Variants in NKAIN3 observed in about 807,000 individuals in gnomAD.
The protein encoded by NKAIN3 is sodium/potassium transporting ATPase interacting 3.
NKAIN3 carries 25 observed loss-of-function variants against 30.2 expected under a neutral mutation model. The observed-to-expected ratio is 0.83, with a 90% CI of 0.60 to 1.16. The LOEUF (loss-of-function observed/expected upper bound fraction) is 1.16. NKAIN3 is among the 50% of genes most tolerant of loss of function. The pLI, the probability that NKAIN3 is intolerant of heterozygous loss-of-function variation, is 0.00. For synonymous variants in NKAIN3, 91 were observed against 89.6 expected (o/e 1.02, Z -0.09); for missense variants, 225 against 254.1 (o/e 0.89, Z 0.78).
chr8:62,541,337 A>C (rs979580554), intron 1 of NKAIN3, among the ~76,000 whole-genome samples: 1 of 152,140 alleles, frequency 6.6e-6, no homozygotes, highest in Non-Finnish European at 1.5e-5. Context: ...ACAAATAAAA[A>C]ATAAATAAAT....
intron 6 of NKAIN3, among the ~76,000 whole-genome samples, chr8:62,963,173 G>A (rs1170004210): frequency 6.6e-6 from 1 of 152,170 alleles, no homozygotes; most frequent in African/African-American, 2.4e-5. Context: ...GGTTACAGGC[G>A]TGAGCCACTG....
At chr8:62,850,895 C>A (rs1819873126) in intron 4 of NKAIN3, among the ~76,000 whole-genome samples, 1 of 152,038 alleles carries the variant, frequency 6.6e-6, no homozygotes, top group Admixed American at 6.6e-5. Flanking sequence ...AGCGTGATGC[C>A]TCCAGCTTTG....
intron 1 of NKAIN3, among the ~76,000 whole-genome samples, chr8:62,439,532 T>A (rs1182081756): frequency 6.6e-6 from 1 of 152,216 alleles, no homozygotes; most frequent in Non-Finnish European, 1.5e-5. Context: ...CACTTAAGCA[T>A]TCATCCTGAG....
chr8:62,885,323 A>AACTTATGGTTTGTTGATTT (rs1821111445), intron 4 of NKAIN3, among the ~76,000 whole-genome samples: 1 of 152,114 alleles, frequency 6.6e-6, no homozygotes, highest in Non-Finnish European at 1.5e-5. Flanking sequence ...TTCTAGTTTA[A>AACTTATGGTTTGTTGATTT]TCCCACTGTG....
chr8:62,496,768 A>G (rs1449626695), intron 1 of NKAIN3, among the ~76,000 whole-genome samples: 1 of 152,174 alleles, frequency 6.6e-6, no homozygotes, highest in Non-Finnish European at 1.5e-5. Context: ...GTATAACATG[A>G]TTAGCGTAGA....
At chr8:62,581,697 A>C (rs555343521) in intron 2 of NKAIN3, among the ~76,000 whole-genome samples, 7 of 151,914 alleles carry the variant, frequency 4.6e-5, no homozygotes, top group East Asian at 3.9e-4. Flanking sequence ...ATATCTAACC[A>C]TTCTTCCTTT....
chr8:62,289,456 C>T (rs1563920519), intron 1 of NKAIN3, among the ~76,000 whole-genome samples: 1 of 152,164 alleles, frequency 6.6e-6, no homozygotes, highest in South Asian at 2.1e-4. Flanking sequence ...CAGCTTTCTA[C>T]ATATGGCTAG....
intron 5 of NKAIN3, among the ~76,000 whole-genome samples, chr8:62,922,637 T>C (rs1822316706): frequency 6.6e-6 from 1 of 152,070 alleles, no homozygotes; most frequent in Admixed American, 6.5e-5. Context: ...CATGGAAAAA[T>C]GTGCAAAATT....
intron 3 of NKAIN3, among the ~76,000 whole-genome samples, chr8:62,680,045 G>T (rs532802671): frequency 6.6e-6 from 1 of 152,218 alleles, no homozygotes; most frequent in South Asian, 2.1e-4. Flanking sequence ...TTGAAGGGGA[G>T]GTCAGATAGA....
At chr8:62,470,571 A>G (rs1397781704) in intron 1 of NKAIN3, among the ~76,000 whole-genome samples, 1 of 152,104 alleles carries the variant, frequency 6.6e-6, no homozygotes, top group African/African-American at 2.4e-5. Context: ...CAACATTTTC[A>G]CAAACTCATG....
intron 1 of NKAIN3, among the ~76,000 whole-genome samples, chr8:62,261,939 T>C (rs147515850): frequency 3.3e-5 from 5 of 152,320 alleles, no homozygotes; most frequent in Non-Finnish European, 7.4e-5. Context: ...TATGTTATGC[T>C]ATTGCTTAAA....
intron 1 of NKAIN3, among the ~76,000 whole-genome samples, chr8:62,520,429 C>T (rs1808120211): frequency 6.6e-6 from 1 of 152,056 alleles, no homozygotes; most frequent in South Asian, 2.1e-4. Flanking sequence ...AATATTATCA[C>T]TTCCATAGGT....
At chr8:62,270,630 A>T (rs796839315) in intron 1 of NKAIN3, among the ~76,000 whole-genome samples, 16 of 152,258 alleles carry the variant, frequency 1.1e-4, no homozygotes, top group African/African-American at 3.9e-4. Context: ...TGTGTTCACC[A>T]CGTTGTGCAA....
chr8:62,409,355 T>G (rs1264657710), intron 1 of NKAIN3, among the ~76,000 whole-genome samples: 1 of 152,138 alleles, frequency 6.6e-6, no homozygotes, highest in Non-Finnish European at 1.5e-5. Flanking sequence ...CAGCTAATTT[T>G]GTATTTTTAG....
In NKAIN3 at chr8:62,249,140, A is replaced by G; in HGVS notation, c.54+13A>G. The G allele has an allele frequency of 1.3e-6, 2 of 1,531,646 alleles. No individual in the cohort carries two copies. Among genetic ancestry groups the G allele is most frequent in the Non-Finnish European group, 8.8e-7 (1 of 1,141,328 alleles). The allele number at this position is 1,531,646 out of a possible 1,614,324, so 94.9% of individuals were successfully genotyped here. On this transcript the variant is annotated intron_variant, in intron 1 of 6. Transcript: ENST00000623646. ...CGCGCTGCAGTTGGTGAGTGCCCCG[A>G]GGGCCCCTGCCCCAGGACAGGTCCC...
intron 4 of NKAIN3, among the ~76,000 whole-genome samples, chr8:62,909,700 C>CAAAAGTAAT (rs5891880): frequency 0.53 from 79,981 of 151,196 alleles, 21,469 homozygotes; most frequent in East Asian, 0.71. Context: ...ATCACAATAG[C>CAAAAGTAAT]AAAAGTAATT....
At chr8:62,464,218 A>G (rs1186245754) in intron 1 of NKAIN3, among the ~76,000 whole-genome samples, 1 of 152,182 alleles carries the variant, frequency 6.6e-6, no homozygotes, top group Non-Finnish European at 1.5e-5. Context: ...ATATTACAAA[A>G]TAAGGTTTCT....
chr8:62,931,992 T>G (rs896454676), intron 5 of NKAIN3, among the ~76,000 whole-genome samples: 1 of 152,192 alleles, frequency 6.6e-6, no homozygotes, highest in African/African-American at 2.4e-5. Context: ...ATATCTTTTC[T>G]TGTTCTGAGG....
rs537235455 is a variant in NKAIN3 at position 62,305,277 on chromosome 8, G to A, written c.54+56150G>A. 2.0e-4 allele frequency among the ~76,000 whole-genome samples: 30 copies of A among 150,074 alleles called. 1 individual carries two copies. In the South Asian group the frequency reaches 5.6e-3, roughly 28 times the overall value. On this transcript the variant is annotated intron_variant, in intron 1 of 6. Transcript: ENST00000623646. ...GAACACAGATATTTCTATGAAATAC[G>A]ACTTTAAAGCTCCAATGGTTACAGA... is the stretch of plus-strand genomic sequence containing the variant.
Sources: gnomAD v4.1 joint callset for allele counts (sites outside exome capture counted in the v4.1 genomes callset) on GRCh38, gnomAD v4.1.1 for gene constraint, MANE v1.5 for transcripts, NCBI Gene and HGNC (gene_info 2026-07-23, HGNC 2026-07-21) for gene names.